Variants in SFTPA2 observed in about 807,000 individuals in gnomAD.
SFTPA2 encodes the protein pulmonary surfactant-associated protein A2.
SFTPA2 carries 21 observed loss-of-function variants against 20.3 expected under a neutral mutation model. The ratio of observed to expected loss-of-function variants is 1.03; its 90% CI spans 0.73 to 1.49. SFTPA2 has a LOEUF of 1.49. Among genes scored for constraint, SFTPA2 ranks in the 40% most tolerant of loss-of-function variants. The pLI, the probability that SFTPA2 is intolerant of heterozygous loss-of-function variation, is 0.00. For synonymous variants in SFTPA2, 116 were observed against 118.7 expected (o/e 0.98, Z 0.15); for missense variants, 302 against 314.8 (o/e 0.96, Z 0.31).
In SFTPA2 at chr10:79,558,962, A is replaced by T; in HGVS notation, c.216T>A (p.Asn72Lys). The T allele has an allele frequency of 6.2e-7, 1 of 1,614,002 alleles. No homozygotes were observed. Among genetic ancestry groups the T allele is most frequent in the African/African-American group, 1.3e-5 (1 of 74,956 alleles). ...CACCAGGGGCTCCAGGCAGCCCATT[A>T]TTCCCAGGAGGACATGGTGTTTCTC... is the stretch of plus-strand genomic sequence containing the variant. ...PPGETPCPPG[N>K]NGLPGAPGVP... Residue 72 changes from asparagine to lysine, a missense_variant, in exon 4 of 6, where the codon AAT becomes AAA. Physicochemically the swap from Asn to Lys is moderately conservative, Grantham distance 94. Transcript: ENST00000372325.
intron 5 of SFTPA2, 24 bp from the exon 6 acceptor site, chr10:79,557,609 A>G (rs1463876522): frequency 6.3e-7 from 1 of 1,592,798 alleles, no homozygotes; most frequent in African/African-American, 1.4e-5. Context: ...AGTCCAGGTC[A>G]GGCCACTGAC....
In SFTPA2 at chr10:79,556,937, C is replaced by T; in HGVS notation, c.*272G>A. On this transcript the variant is annotated 3_prime_UTR_variant, in exon 6 of 6. Transcript: ENST00000372325. The stretch of plus-strand genomic sequence containing the variant: ...TGGACCAGATGGGGAATAAGGAGGC[C>T]TCCATCTCATGCCAAAGGCCAAGGC... 2 of 571,604 alleles carry T rather than the reference C, an allele frequency of 3.5e-6. No individual in the cohort carries two copies. The highest frequency in any genetic ancestry group is 3.1e-6 in the Non-Finnish European group (1 of 323,866). 35.4% of individuals were successfully genotyped at this position (571,604 alleles called of 1,614,324 possible). A position where few individuals can be genotyped will look rare whatever the true frequency, so the allele number is the denominator to read the frequency against.
At chr10:79,559,894 C>T (rs1564671524) in intron 2 of SFTPA2, 75 bp downstream of exon 2, 4 of 1,391,772 alleles carry the variant, frequency 2.9e-6, no homozygotes, top group Non-Finnish European at 3.7e-6. Flanking sequence ...CCCTGTCCCT[C>T]CCAGGCTGTT....
chr10:79,558,464 G>T (rs1439664442), intron 4 of SFTPA2, among the ~76,000 whole-genome samples: 1 of 152,050 alleles, frequency 6.6e-6, no homozygotes, highest in African/African-American at 2.4e-5. Context: ...TCTCTGCACT[G>T]CCCTGATGGA....
Position 79,560,012 on chromosome 10 carries a change from G to C in SFTPA2, c.-53-14C>G. ...GAAATCAGCGACCTGAGAATGAAAA[G>C]AGATGAATAGGGCCCACAGCCTGGA... On this transcript the variant is annotated splice_polypyrimidine_tract_variant and intron_variant, in intron 1 of 5. Coordinates refer to ENST00000372325, the MANE Select transcript of SFTPA2 (RefSeq NM_001098668.4). The C allele has an allele frequency of 8.6e-7, 1 of 1,159,092 alleles. No homozygotes were observed. The highest frequency in any genetic ancestry group is 1.1e-6 in the Non-Finnish European group (1 of 935,426). The allele number at this position is 1,159,092 out of a possible 1,614,324, so 71.8% of individuals were successfully genotyped here.
Position 79,557,021 on chromosome 10 carries a change from G to C in SFTPA2, c.*188C>G. On this transcript the variant is annotated 3_prime_UTR_variant, in exon 6 of 6. Coordinates refer to ENST00000372325, the MANE Select transcript of SFTPA2 (RefSeq NM_001098668.4). ...GGTTTGCAAGGGGAGTGTCAAGGCTGGTCAGTGATTATGGGGAAGAGTCAG... is the reference window on the plus strand; with the variant it reads ...GGTTTGCAAGGGGAGTGTCAAGGCTCGTCAGTGATTATGGGGAAGAGTCAG... 1.0e-6 allele frequency: 1 copy of C among 995,816 alleles called. No homozygotes were observed. Among genetic ancestry groups the C allele is most frequent in the Non-Finnish European group, 1.5e-6 (1 of 678,748 alleles). The allele number at this position is 995,816 out of a possible 1,614,324, so 61.7% of individuals were successfully genotyped here.
rs1036194291 is a variant in SFTPA2, at chr10:79,557,074, G to C, written c.*135C>G. The C allele has an allele frequency of 1.4e-6, 2 of 1,465,062 alleles. No homozygotes were observed. The highest frequency in any genetic ancestry group is 1.9e-6 in the Non-Finnish European group (2 of 1,071,048). 90.8% of individuals were successfully genotyped at this position (1,465,062 alleles called of 1,614,324 possible). On this transcript the variant is annotated 3_prime_UTR_variant, in exon 6 of 6. Coordinates refer to ENST00000372325, the MANE Select transcript of SFTPA2 (RefSeq NM_001098668.4). ...CCCATCAGGGGAATGAAGTGGCTAA[G>C]GGTGCCTCCAGCTCTAATAGCCACA...
intron 4 of SFTPA2, 103 bp downstream of exon 4, chr10:79,558,783 T>G (rs912469468): frequency 7.5e-6 from 12 of 1,595,276 alleles, no homozygotes; most frequent in African/African-American, 1.3e-5. Flanking sequence ...CCAAATGCCC[T>G]TGGGGAACCT....
Position 79,558,914 on chromosome 10 carries a change from C to T in SFTPA2, c.264G>A (p.Lys88=), listed in dbSNP as rs1858993682. The change falls in exon 4 of 6, where the codon AAG becomes AAA. Residue 88 remains lysine (K), a synonymous_variant. Transcript: ENST00000372325. ...GAGGGCCTCTCTCGCCAGCCTCCCC[C>T]TTCTCTCCACGCTCTCCAGGGACAC... The part of the protein sequence containing the change: ...APGVPGERGE[K]GEAGERGPPG... 1 of 1,614,106 alleles carries T rather than the reference C, an allele frequency of 6.2e-7. No individual in the cohort carries two copies. Among genetic ancestry groups the T allele is most frequent in the Non-Finnish European group, 8.5e-7 (1 of 1,179,992 alleles).
intron 5 of SFTPA2, 152 bp downstream of exon 5, chr10:79,557,900 C>T: frequency 1.5e-6 from 2 of 1,336,276 alleles, no homozygotes; most frequent in Non-Finnish European, 2.1e-6. Flanking sequence ...TCCTCTTGGC[C>T]ATTCAAAGAC....
chr10:79,559,628 T>A, intron 2 of SFTPA2, 122 bp from the exon 3 acceptor site: 2 of 1,575,584 alleles, frequency 1.3e-6, no homozygotes, highest in Non-Finnish European at 1.7e-6. Flanking sequence ...ACCAGAGTGC[T>A]GGGAAGACCC....
intron 5 of SFTPA2, among the ~76,000 whole-genome samples, 187 bp from the exon 6 acceptor site, chr10:79,557,772 T>C (rs915298345): frequency 1.8e-4 from 27 of 152,334 alleles, no homozygotes; most frequent in African/African-American, 5.1e-4. Context: ...TATTCATTCA[T>C]CTAAGTAACA....
intron 1 of SFTPA2, 57 bp from the exon 2 acceptor site, chr10:79,560,055 C>T (rs949791715): frequency 2.8e-6 from 3 of 1,062,948 alleles, no homozygotes; most frequent in African/African-American, 3.3e-5. Context: ...AGGTGATCAT[C>T]GGGGGGTGAT....
rs1859087317 is a variant in SFTPA2, at chr10:79,559,849, T to A, written c.-24+120A>T. 4 of 1,376,914 alleles carry A rather than the reference T, an allele frequency of 2.9e-6. No individual in the cohort carries two copies. The African/African-American group carries it at 4.4e-5, about 15-fold the overall frequency. 85.3% of individuals were successfully genotyped at this position (1,376,914 alleles called of 1,614,324 possible). ...GGGAAACTGGCTTCACCTCTCTGAT[T>A]TCAGCTGAATCTTCCATGCTCTGCA... On this transcript the variant is annotated intron_variant, in intron 2 of 5. Transcript: ENST00000372325.
intron 4 of SFTPA2, among the ~76,000 whole-genome samples, chr10:79,558,465 C>A (rs1355023183): frequency 6.6e-6 from 1 of 152,120 alleles, no homozygotes; most frequent in Non-Finnish European, 1.5e-5. Flanking sequence ...CTCTGCACTG[C>A]CCTGATGGAC....
At chr10:79,558,714 A>G (rs1198209921) in intron 4 of SFTPA2, among the ~76,000 whole-genome samples, 172 bp downstream of exon 4, 1 of 152,036 alleles carries the variant, frequency 6.6e-6, no homozygotes, top group Non-Finnish European at 1.5e-5. Flanking sequence ...AATTGTGACC[A>G]CACTCCCCAG....
In SFTPA2 at chr10:79,556,145, G is replaced by T. The variant is rs1858765198; in HGVS notation, c.*1064C>A. The T allele has an allele frequency of 1.2e-5, 2 of 167,108 alleles. No individual in the cohort carries two copies. The allele number at this position is 167,108 out of a possible 1,614,324, so 10.4% of individuals were successfully genotyped here. Reference sequence around the variant, plus strand: ...TCAAGGTGTGTGGCACATGGTATGTGCTCGGTCAATAGCCTTTGTGTGTAG... The same window carrying T: ...TCAAGGTGTGTGGCACATGGTATGTTCTCGGTCAATAGCCTTTGTGTGTAG... On this transcript the variant is annotated 3_prime_UTR_variant, in exon 6 of 6. Transcript: ENST00000372325.
At chr10:79,558,740 C>G in intron 4 of SFTPA2, 146 bp downstream of exon 4, 18 of 1,428,754 alleles carry the variant, frequency 1.3e-5, no homozygotes, top group Non-Finnish European at 1.6e-5. Flanking sequence ...TCGGCTTTCT[C>G]CCTCAAATTC....
Position 79,558,995 on chromosome 10 carries a change from A to T in SFTPA2, c.183T>A (p.Gly61=). ...KGDPGPPGPM[G]PPGETPCPPG... is the part of the protein sequence containing the mutation. ...GAGGACATGGTGTTTCTCCAGGCGG[A>T]CCCATGGGGCCTGCAGAGAAAAGAG... The change falls in exon 4 of 6, where the codon GGT becomes GGA. Residue 61 remains glycine, a synonymous_variant. Transcript: ENST00000372325. The T allele has an allele frequency of 6.2e-7, 1 of 1,614,082 alleles. No homozygotes were observed. Among genetic ancestry groups the T allele is most frequent in the Non-Finnish European group, 8.5e-7 (1 of 1,180,026 alleles).
Sources: gnomAD v4.1 joint callset for allele counts (sites outside exome capture counted in the v4.1 genomes callset) on GRCh38, gnomAD v4.1.1 for gene constraint, MANE v1.5 for transcripts, NCBI Gene and HGNC (gene_info 2026-07-23, HGNC 2026-07-21) for gene names.